The following TAFA2 variants were observed in gnomAD, a reference collection of about 807,000 sequenced individuals.
The protein encoded by TAFA2 is chemokine-like protein TAFA-2.
In TAFA2, 7 loss-of-function variants were observed where a neutral mutation model predicts 18.8. The ratio of observed to expected loss-of-function variants is 0.37; its 90% CI spans 0.21 to 0.70. The LOEUF (loss-of-function observed/expected upper bound fraction) is 0.70. TAFA2 is among the 30% of genes least tolerant of loss of function. The pLI is 0.53. For synonymous variants in TAFA2, 60 were observed against 54.2 expected (o/e 1.11, Z -0.47); for missense variants, 122 against 158.1 (o/e 0.77, Z 1.23).
At chr12:61,966,649 C>A (rs1295424858) in intron 1 of TAFA2, among the ~76,000 whole-genome samples, 2 of 151,764 alleles carry the variant, frequency 1.3e-5, no homozygotes. Flanking sequence ...TGTGGCTGAG[C>A]AAATAGTAAT....
intron 1 of TAFA2, among the ~76,000 whole-genome samples, chr12:62,080,952 T>C (rs913582029): frequency 2.6e-5 from 4 of 152,176 alleles, no homozygotes; most frequent in African/African-American, 4.8e-5. Flanking sequence ...CCCAGCACTT[T>C]GGGAGGCCAA....
chr12:62,096,639 G>GA (rs995951531), intron 1 of TAFA2, among the ~76,000 whole-genome samples: 36 of 152,144 alleles, frequency 2.4e-4, no homozygotes, highest in African/African-American at 8.4e-4. Context: ...CTATGTTAAT[G>GA]AAAAAACTTC....
intron 1 of TAFA2, among the ~76,000 whole-genome samples, chr12:61,906,677 C>T (rs1876370292): frequency 6.6e-6 from 1 of 152,082 alleles, no homozygotes; most frequent in African/African-American, 2.4e-5. Flanking sequence ...GGCCCAGAAG[C>T]CAGGAAGATA....
chr12:62,119,073 A>T (rs184743942), intron 1 of TAFA2, among the ~76,000 whole-genome samples: 18 of 152,248 alleles, frequency 1.2e-4, no homozygotes, highest in Non-Finnish European at 2.4e-4. Context: ...TTTGCTTTTG[A>T]TACTTAAATC....
At chr12:61,933,272 C>A (rs1266883805) in intron 1 of TAFA2, among the ~76,000 whole-genome samples, 6 of 152,140 alleles carry the variant, frequency 3.9e-5, no homozygotes, top group East Asian at 1.9e-4. Flanking sequence ...GTTAAAGATT[C>A]TTTAAAAACA....
intron 1 of TAFA2, among the ~76,000 whole-genome samples, chr12:61,927,213 G>A (rs1367997725): frequency 6.6e-6 from 1 of 152,108 alleles, no homozygotes. Flanking sequence ...AGGAAGAGAG[G>A]AAGTCAAATA....
intron 1 of TAFA2, among the ~76,000 whole-genome samples, chr12:62,127,077 T>C (rs947243409): frequency 1.4e-4 from 21 of 152,084 alleles, no homozygotes; most frequent in Non-Finnish European, 2.9e-4. Flanking sequence ...AAAGAAAGTA[T>C]CAGTCTATTA....
intron 1 of TAFA2, among the ~76,000 whole-genome samples, chr12:62,225,743 A>C (rs758974738): frequency 6.6e-6 from 1 of 152,228 alleles, no homozygotes; most frequent in Non-Finnish European, 1.5e-5. Context: ...TCTCACAAGA[A>C]AAGAAATATG....
At chr12:62,143,775 G>T (rs1424647982) in intron 1 of TAFA2, among the ~76,000 whole-genome samples, 3 of 151,958 alleles carry the variant, frequency 2.0e-5, no homozygotes, top group African/African-American at 7.3e-5. Context: ...GGGTGTGGTG[G>T]CTTATGTCTG....
intron 1 of TAFA2, among the ~76,000 whole-genome samples, chr12:62,078,900 T>G (rs1169866987): frequency 6.6e-6 from 1 of 152,242 alleles, no homozygotes; most frequent in African/African-American, 2.4e-5. Flanking sequence ...CAATGCCATG[T>G]GCGACAGGAG....
At chr12:61,868,319 A>T (rs1460998412) in intron 1 of TAFA2, among the ~76,000 whole-genome samples, 1 of 152,158 alleles carries the variant, frequency 6.6e-6, no homozygotes, top group Non-Finnish European at 1.5e-5. Context: ...AGAATTGTCT[A>T]ATTCTAAAAT....
At chr12:62,176,469 A>C (rs1199947296) in intron 1 of TAFA2, among the ~76,000 whole-genome samples, 37 of 152,182 alleles carry the variant, frequency 2.4e-4, no homozygotes, top group Admixed American at 2.4e-3. Flanking sequence ...TCAGAAGGTA[A>C]ATGTAATCGT....
At chr12:62,204,375 T>C (rs933893307) in intron 1 of TAFA2, among the ~76,000 whole-genome samples, 1 of 152,186 alleles carries the variant, frequency 6.6e-6, no homozygotes, top group Non-Finnish European at 1.5e-5. Flanking sequence ...TGAATTTGAA[T>C]GTTGGCCTGT....
intron 1 of TAFA2, among the ~76,000 whole-genome samples, chr12:62,223,338 C>G (rs1409322895): frequency 6.6e-6 from 1 of 152,034 alleles, no homozygotes; most frequent in Non-Finnish European, 1.5e-5. Flanking sequence ...GCCAACCATC[C>G]CTGGCTAATA....
chr12:61,731,778 C>T (rs1371296004), intron 4 of TAFA2, among the ~76,000 whole-genome samples: 1 of 152,056 alleles, frequency 6.6e-6, no homozygotes, highest in Non-Finnish European at 1.5e-5. Flanking sequence ...TTAAGTGAAA[C>T]TTCCCAAAGA....
chr12:61,891,325 G>T (rs1466817987), intron 1 of TAFA2, among the ~76,000 whole-genome samples: 1 of 152,090 alleles, frequency 6.6e-6, no homozygotes, highest in Non-Finnish European at 1.5e-5. Context: ...AGCAGAAGCA[G>T]CAGAATCAAT....
intron 1 of TAFA2, among the ~76,000 whole-genome samples, chr12:62,077,832 A>C (rs1397450797): frequency 6.6e-6 from 1 of 152,108 alleles, no homozygotes; most frequent in Non-Finnish European, 1.5e-5. Context: ...CATCTTCAAC[A>C]CAAACCCCAT....
At chr12:61,876,032 AAG>A (rs1328523076) in intron 1 of TAFA2, among the ~76,000 whole-genome samples, 2 of 152,218 alleles carry the variant, frequency 1.3e-5, no homozygotes, top group Non-Finnish European at 2.9e-5. Flanking sequence ...ATATGGTAAA[AAG>A]AGAGATAGCT....
chr12:61,963,973 A>G (rs914027007), intron 1 of TAFA2, among the ~76,000 whole-genome samples: 3 of 151,924 alleles, frequency 2.0e-5, no homozygotes, highest in African/African-American at 7.2e-5. Flanking sequence ...AAAACAAGCA[A>G]TGAGGATTCC....
Sources: gnomAD v4.1 joint callset for allele counts (sites outside exome capture counted in the v4.1 genomes callset) on GRCh38, gnomAD v4.1.1 for gene constraint, MANE v1.5 for transcripts, NCBI Gene and HGNC (gene_info 2026-07-23, HGNC 2026-07-21) for gene names.